Variants in EYS observed in about 807,000 individuals in gnomAD.
The protein encoded by EYS is EGF-like photoreceptor maintenance factor, also known as protein eyes shut homolog.
A neutral mutation model predicts 282.1 loss-of-function variants in EYS; 250 were observed. The observed-to-expected ratio is 0.89, with a 90% CI of 0.80 to 0.98. The LOEUF (loss-of-function observed/expected upper bound fraction) is 0.98, where lower values mean the gene tolerates loss of function less well. EYS is among the 50% of genes least tolerant of loss of function. The pLI, the probability that EYS is intolerant of heterozygous loss-of-function variation, is 0.00. For synonymous variants in EYS, 1,355 were observed against 1,282.9 expected, an observed-to-expected ratio of 1.06 and a Z score of -1.20; for missense variants, 4,016 against 3,709.0, an observed-to-expected ratio of 1.08 and a Z score of -2.15.
chr6:64,855,456 T>C (rs1766028832), intron 19 of EYS, among the ~76,000 whole-genome samples: 1 of 152,180 alleles, frequency 6.6e-6, no homozygotes, highest in African/African-American at 2.4e-5. Flanking sequence ...GATATTGTTA[T>C]TTTGTATTGA....
intron 22 of EYS, among the ~76,000 whole-genome samples, chr6:64,799,767 T>C (rs1728880175): frequency 6.6e-6 from 1 of 151,658 alleles, no homozygotes; most frequent in African/African-American, 2.4e-5. Flanking sequence ...AAAACATTTA[T>C]AGTTTTAAAA....
intron 22 of EYS, among the ~76,000 whole-genome samples, chr6:64,777,455 G>A (rs1405930511): frequency 6.6e-6 from 1 of 152,016 alleles, no homozygotes; most frequent in Non-Finnish European, 1.5e-5. Context: ...GGTACTTAAG[G>A]CTCTGCACCT....
chr6:63,987,743 T>G (rs1041831908), intron 34 of EYS, among the ~76,000 whole-genome samples: 4 of 151,636 alleles, frequency 2.6e-5, no homozygotes, highest in African/African-American at 9.7e-5. Flanking sequence ...TGGAATACTG[T>G]CATTGCCAGA....
chr6:64,235,273 T>C (rs1347945438), intron 30 of EYS, among the ~76,000 whole-genome samples: 1 of 133,330 alleles, frequency 7.5e-6, no homozygotes, highest in African/African-American at 2.8e-5. Flanking sequence ...CAGAGTGTGA[T>C]GTTCCCCTGC....
chr6:63,999,190 G>A lies in EYS; in HGVS notation c.6726-7C>T, dbSNP rs886782734. ...GCCAACAGGCGTTGTGTAGCTAAAC[G>A]TAAAACAGAAGAGGCCATTATGATA... On this transcript the variant is annotated splice_region_variant and splice_polypyrimidine_tract_variant and intron_variant, in intron 33 of 42. Coordinates refer to ENST00000503581, the MANE Select transcript of EYS (RefSeq NM_001142800.2). 16 of 1,542,280 alleles carry A rather than the reference G, an allele frequency of 1.0e-5. No individual in the cohort carries two copies. Among genetic ancestry groups the A allele is most frequent in the Admixed American group, 9.8e-5 (5 of 50,952 alleles).
At chr6:64,989,868 G>A (rs2150121779) in intron 14 of EYS, among the ~76,000 whole-genome samples, 1 of 149,038 alleles carries the variant, frequency 6.7e-6, no homozygotes, top group Admixed American at 6.7e-5. Context: ...GTTTATTGTA[G>A]GAAGTAGCTG....
chr6:64,008,235 A>G (rs1026509620), intron 33 of EYS, among the ~76,000 whole-genome samples: 1 of 151,846 alleles, frequency 6.6e-6, no homozygotes, highest in Non-Finnish European at 1.5e-5. Flanking sequence ...TAATAAGTTT[A>G]TTTATCTTTT....
At position 64,005,462 on chromosome 6, in the gene EYS, C is replaced by T. The variant is rs1004078652; in HGVS notation, c.6726-6279G>A. ...TAGTTTCCTTTGCTTTGCAGAAGCT[C>T]TTTAGTTTAATTAGGTCTTATTTGT... On this transcript the variant is annotated intron_variant, in intron 33 of 42. Coordinates refer to ENST00000503581, the MANE Select transcript of EYS (RefSeq NM_001142800.2). Among the ~76,000 whole-genome samples, 5 of 152,020 alleles carry T rather than the reference C, an allele frequency of 3.3e-5. No homozygotes were observed. In the South Asian group the frequency reaches 1.0e-3, roughly 32 times the overall value.
intron 22 of EYS, among the ~76,000 whole-genome samples, chr6:64,686,779 A>ATATATATATGTG: frequency 4.2e-5 from 1 of 23,530 alleles, no homozygotes; most frequent in Admixed American, 3.9e-4. Context: ...ATATATATAT[A>ATATATATATGTG]TATATATATG....
chr6:64,322,064 T>C (rs994547207), intron 29 of EYS, among the ~76,000 whole-genome samples: 3 of 152,118 alleles, frequency 2.0e-5, no homozygotes, highest in Middle Eastern at 3.4e-3. Context: ...ATAAAATTTA[T>C]ACATGGATTT....
intron 19 of EYS, among the ~76,000 whole-genome samples, chr6:64,824,586 C>T (rs1002459592): frequency 6.6e-6 from 1 of 151,812 alleles, no homozygotes. Context: ...CTCCGTATCA[C>T]TATGTAGAAT....
chr6:64,691,731 T>C (rs1387417333), intron 22 of EYS, among the ~76,000 whole-genome samples: 1 of 152,182 alleles, frequency 6.6e-6, no homozygotes, highest in Non-Finnish European at 1.5e-5. Flanking sequence ...AGCTCCCTTT[T>C]GTAAGTGAGA....
intron 30 of EYS, among the ~76,000 whole-genome samples, chr6:64,259,808 C>A (rs1582499034): frequency 6.6e-6 from 1 of 151,238 alleles, no homozygotes; most frequent in South Asian, 2.1e-4. Context: ...CCCTCTTTTG[C>A]AGATATAGAG....
chr6:65,511,617 T>A (rs1766871140), intron 2 of EYS, among the ~76,000 whole-genome samples: 1 of 152,078 alleles, frequency 6.6e-6, no homozygotes, highest in South Asian at 2.1e-4. Flanking sequence ...TAGGTACAAT[T>A]TTATTCCAAT....
At chr6:64,249,068 A>C (rs1365654315) in intron 30 of EYS, among the ~76,000 whole-genome samples, 2 of 150,710 alleles carry the variant, frequency 1.3e-5, no homozygotes, top group African/African-American at 4.9e-5. Flanking sequence ...TGTCTCAAAA[A>C]AAAAAAAAAA....
chr6:64,749,919 G>A (rs1355876511), intron 22 of EYS, among the ~76,000 whole-genome samples: 3 of 151,928 alleles, frequency 2.0e-5, no homozygotes, highest in Non-Finnish European at 4.4e-5. Context: ...GCTAATAATA[G>A]AATGCCTTAT....
chr6:63,756,399 A>T (rs4562122), intron 41 of EYS, among the ~76,000 whole-genome samples: 2 of 151,996 alleles, frequency 1.3e-5, no homozygotes, highest in African/African-American at 2.4e-5. Context: ...GGTTTTGGTC[A>T]TTGGTTCTGT....
intron 1 of EYS, among the ~76,000 whole-genome samples, chr6:65,649,879 T>C (rs1211005036): frequency 6.6e-6 from 1 of 152,124 alleles, no homozygotes; most frequent in East Asian, 1.9e-4. Context: ...TTAATTTACA[T>C]AGAAACATAC....
intron 12 of EYS, among the ~76,000 whole-genome samples, chr6:65,272,417 A>G (rs1055514655): frequency 6.6e-6 from 1 of 152,250 alleles, no homozygotes; most frequent in African/African-American, 2.4e-5. Context: ...GATGGCTAAG[A>G]GTTAACAGCT....
Sources: allele counts gnomAD v4.1 joint callset (sites outside exome capture counted in the v4.1 genomes callset), GRCh38; gene constraint gnomAD v4.1.1; transcripts MANE v1.5; gene names NCBI Gene and HGNC (gene_info 2026-07-23, HGNC 2026-07-21).